Variants in NALF1 observed in about 807,000 individuals in gnomAD.
NALF1 encodes NALCN channel auxiliary factor 1, also known as family with sequence similarity 155 member A.
A neutral mutation model predicts 48.4 loss-of-function variants in NALF1; 3 were observed. That is an observed-to-expected ratio of 0.06 (90% CI 0.03 to 0.16). The LOEUF is 0.16. Ranked by LOEUF, NALF1 falls within the 10% of genes least tolerant of loss-of-function variation. The pLI, the probability that NALF1 is intolerant of heterozygous loss-of-function variation, is 1.00. For missense variants in NALF1, 526 were observed against 571.5 expected (o/e 0.92, Z 0.81); for synonymous variants, 262 against 245.7 (o/e 1.07, Z -0.62).
At chr13:107,276,535 A>C (rs990181) in intron 1 of NALF1, among the ~76,000 whole-genome samples, 60,338 of 152,036 alleles carry the variant, frequency 0.4, 13,083 homozygotes, top group South Asian at 0.63. Context: ...CATACACATA[A>C]ATTCTGGGTC....
intron 1 of NALF1, among the ~76,000 whole-genome samples, chr13:107,420,352 T>C (rs377012694): frequency 6.6e-6 from 1 of 152,224 alleles, no homozygotes; most frequent in Non-Finnish European, 1.5e-5. Flanking sequence ...TAAATACATA[T>C]TTATTCCTTT....
intron 1 of NALF1, among the ~76,000 whole-genome samples, chr13:107,243,921 C>A (rs1323737876): frequency 6.6e-6 from 1 of 152,098 alleles, no homozygotes; most frequent in African/African-American, 2.4e-5. Context: ...GGGGCTTCCA[C>A]CTCCTACCCT....
chr13:107,740,854 T>C (rs1299006994), intron 1 of NALF1, among the ~76,000 whole-genome samples: 1 of 152,188 alleles, frequency 6.6e-6, no homozygotes, highest in Admixed American at 6.5e-5. Context: ...GAATAAAATA[T>C]ATGCTTTGGA....
chr13:107,185,495 T>A (rs565348835), intron 2 of NALF1, among the ~76,000 whole-genome samples: 1 of 150,364 alleles, frequency 6.7e-6, no homozygotes, highest in East Asian at 2.0e-4. Flanking sequence ...GTTATCCTAC[T>A]CCAGTTAGTT....
rs1371088859 is a variant in NALF1, at chr13:107,325,845, CACACACACACATATATAT to C, written c.916-115108_916-115091del. On this transcript the variant is annotated intron_variant, in intron 1 of 2. Transcript: ENST00000375915. Reference sequence around the variant, plus strand: ...ATGAGAGAGAAACTGTGTCTCAACACACACACACACATATATATATATATATATATATATATATATATA... The same window carrying C: ...ATGAGAGAGAAACTGTGTCTCAACACATATATATATATATATATATATATA... Among the ~76,000 whole-genome samples the C allele has an allele frequency of 1.1e-3, 49 of 44,066 alleles. 2 individuals carry two copies. Among genetic ancestry groups the C allele is most frequent in the African/African-American group, 1.5e-3 (21 of 13,662 alleles). The allele number at this position is 44,066 out of a possible 152,430, so 28.9% of individuals were successfully genotyped here.
At position 107,165,258 on chromosome 13, in the gene NALF1, C is replaced by A. The variant is rs964174472; in HGVS notation, c.*5239G>T. On this transcript the variant is annotated 3_prime_UTR_variant, in exon 3 of 3. Transcript: ENST00000375915. ...ACGAACTCTGAGACATTCGCTAGAT[C>A]TTCCTGATCATTTTGATTTTTTCAT... 4.6e-5 allele frequency: 7 copies of A among 152,134 alleles called. No homozygotes were observed. The highest frequency in any genetic ancestry group is 2.1e-4 in the South Asian group (1 of 4,828). The allele number at this position is 152,134 out of a possible 1,614,324, so 9.4% of individuals were successfully genotyped here.
At chr13:107,736,461 A>G (rs1006974248) in intron 1 of NALF1, among the ~76,000 whole-genome samples, 5 of 152,210 alleles carry the variant, frequency 3.3e-5, no homozygotes, top group African/African-American at 1.2e-4. Context: ...GGAATAAATC[A>G]GCACAAATAA....
chr13:107,615,581 G>A (rs1376926461), intron 1 of NALF1, among the ~76,000 whole-genome samples: 2 of 152,170 alleles, frequency 1.3e-5, no homozygotes, highest in African/African-American at 2.4e-5. Flanking sequence ...ATAACCTGGA[G>A]TGTGTGGATC....
intron 1 of NALF1, among the ~76,000 whole-genome samples, chr13:107,786,624 C>G (rs1878081680): frequency 6.8e-6 from 1 of 147,518 alleles, no homozygotes; most frequent in South Asian, 2.2e-4. Context: ...CCCAGCTACT[C>G]GGGAGGCTGA....
intron 1 of NALF1, among the ~76,000 whole-genome samples, chr13:107,527,470 G>GT (rs147063880): frequency 0.012 from 1,887 of 152,128 alleles, 23 homozygotes; most frequent in Middle Eastern, 0.037. Context: ...ATATGCATGG[G>GT]GCATGCAAGT....
intron 1 of NALF1, among the ~76,000 whole-genome samples, chr13:107,495,094 A>G (rs570351018): frequency 8.5e-5 from 13 of 152,336 alleles, no homozygotes; most frequent in African/African-American, 2.6e-4. Flanking sequence ...TGATTGCTCA[A>G]TGAAACTAAG....
At chr13:107,271,631 G>A (rs2138863990) in intron 1 of NALF1, among the ~76,000 whole-genome samples, 1 of 151,710 alleles carries the variant, frequency 6.6e-6, no homozygotes, top group Non-Finnish European at 1.5e-5. Context: ...AGTTAAGTTT[G>A]TGATAATTTG....
intron 1 of NALF1, among the ~76,000 whole-genome samples, chr13:107,349,436 C>T (rs1196983361): frequency 3.9e-5 from 6 of 152,000 alleles, no homozygotes; most frequent in African/African-American, 1.4e-4. Flanking sequence ...ATTAGTTGTG[C>T]CTTGAGAGGA....
intron 1 of NALF1, among the ~76,000 whole-genome samples, chr13:107,356,362 A>G (rs1882963814): frequency 6.6e-6 from 1 of 152,362 alleles, no homozygotes; most frequent in Non-Finnish European, 1.5e-5. Context: ...AATATATGAA[A>G]TGTATATAAC....
At chr13:107,410,929 C>A (rs1883979245) in intron 1 of NALF1, among the ~76,000 whole-genome samples, 1 of 152,144 alleles carries the variant, frequency 6.6e-6, no homozygotes, top group South Asian at 2.1e-4. Context: ...ACGGGAGTTC[C>A]ACAGTCCTCA....
chr13:107,166,928 T>A lies in NALF1; in HGVS notation c.*3569A>T, dbSNP rs575715007. On this transcript the variant is annotated 3_prime_UTR_variant, in exon 3 of 3. Transcript: ENST00000375915. ...AAATTACTTTTTGTAATGATGCCAT[T>A]TAAAAGAACAACTTTCACTTACTGC... 6.6e-6 allele frequency: 1 copy of A among 152,340 alleles called. No individual in the cohort carries two copies. The highest frequency in any genetic ancestry group is 1.9e-4 in the East Asian group (1 of 5,192). 9.4% of individuals were successfully genotyped at this position (152,340 alleles called of 1,614,324 possible).
chr13:107,632,409 G>A (rs1232925768), intron 1 of NALF1, among the ~76,000 whole-genome samples: 1 of 152,064 alleles, frequency 6.6e-6, no homozygotes, highest in Non-Finnish European at 1.5e-5. Flanking sequence ...CTGCAGAGAA[G>A]CCTTTATAAT....
At chr13:107,853,891 T>C (rs1880378450) in intron 1 of NALF1, among the ~76,000 whole-genome samples, 1 of 152,204 alleles carries the variant, frequency 6.6e-6, no homozygotes, top group South Asian at 2.1e-4. Flanking sequence ...ATAGAAATAG[T>C]TGGACTGTTT....
intron 1 of NALF1, among the ~76,000 whole-genome samples, chr13:107,624,728 C>T (rs968916051): frequency 6.6e-6 from 1 of 152,202 alleles, no homozygotes; most frequent in Admixed American, 6.5e-5. Flanking sequence ...ACGGCCTTTG[C>T]CATGTAGCTA....
Sources: allele counts gnomAD v4.1 joint callset (sites outside exome capture counted in the v4.1 genomes callset), GRCh38; gene constraint gnomAD v4.1.1; transcripts MANE v1.5; gene names NCBI Gene and HGNC (gene_info 2026-07-23, HGNC 2026-07-21).